DYNC1I1: variants seen among roughly 807,000 people sequenced by gnomAD.
DYNC1I1 encodes cytoplasmic dynein 1 intermediate chain 1.
A neutral mutation model predicts 86.6 loss-of-function variants in DYNC1I1; 43 were observed. That is an observed-to-expected ratio of 0.50 (90% CI 0.39 to 0.64). DYNC1I1 has a LOEUF of 0.64. Ranked by LOEUF, DYNC1I1 falls within the 30% of genes least tolerant of loss-of-function variation. The pLI is 0.00. For missense variants in DYNC1I1, 604 were observed against 788.8 expected, an observed-to-expected ratio of 0.77 and a Z score of 2.81; for synonymous variants, 262 against 283.7, an observed-to-expected ratio of 0.92 and a Z score of 0.77.
rs1186707310 is a variant in DYNC1I1, at chr7:95,838,646, A to C, written c.374+10530A>C. The stretch of plus-strand genomic sequence containing the variant: ...TCTAGGCAGTATGGACATTTTAATA[A>C]TATTGTTTTGTGTAATCCATGAACA... On this transcript the variant is annotated intron_variant, in intron 5 of 16. Coordinates refer to ENST00000447467, the MANE Select transcript of DYNC1I1 (RefSeq NM_001135556.2). Among the ~76,000 whole-genome samples the C allele has an allele frequency of 2.0e-5, 3 of 152,152 alleles. No individual in the cohort carries two copies. The East Asian group carries it at 5.8e-4, about 29-fold the overall frequency.
rs1790371140 is a variant in DYNC1I1, at chr7:96,077,269, G to GTGTGTT, written c.1650+1077_1650+1078insTTGTGT. Among the ~76,000 whole-genome samples, 3 of 151,840 alleles carry GTGTGTT rather than the reference G, an allele frequency of 2.0e-5. No individual in the cohort carries two copies. In the South Asian group the frequency reaches 6.2e-4, roughly 32 times the overall value. On this transcript the variant is annotated intron_variant, in intron 15 of 16. Transcript: ENST00000447467. The stretch of plus-strand genomic sequence containing the variant: ...TGTGTGTGTGTGTGTGTGTGTGTGT[G>GTGTGTT]TGTGTGTGGGAGGGGGCAGGGAAAT...
chr7:95,837,502 C>G (rs35040866), intron 5 of DYNC1I1: 13,008 of 151,402 alleles, frequency 0.086, 17 homozygotes, highest in South Asian at 0.12. Context: ...CCACCCAGTT[C>G]GAGCTTCCCG....
chr7:95,937,362 T>C (rs1247020647), intron 6 of DYNC1I1, among the ~76,000 whole-genome samples: 2 of 152,062 alleles, frequency 1.3e-5, no homozygotes, highest in Non-Finnish European at 2.9e-5. Flanking sequence ...AGGTGATGGG[T>C]ATGTTAATTA....
At chr7:96,025,667 G>GATGA (rs1181980952) in intron 10 of DYNC1I1, among the ~76,000 whole-genome samples, 2 of 152,162 alleles carry the variant, frequency 1.3e-5, no homozygotes, top group Non-Finnish European at 2.9e-5. Flanking sequence ...GTAAGTGTTG[G>GATGA]ATGAATGAAT....
intron 9 of DYNC1I1, 116 bp from the exon 10 acceptor site, chr7:95,995,832 A>G: frequency 7.1e-7 from 1 of 1,413,340 alleles, no homozygotes; most frequent in Non-Finnish European, 9.5e-7. Flanking sequence ...GTATGCCACA[A>G]CATAACAGAA....
intron 1 of DYNC1I1, among the ~76,000 whole-genome samples, chr7:95,802,017 TG>T: frequency 6.6e-6 from 1 of 152,192 alleles, no homozygotes; most frequent in African/African-American, 2.4e-5. Flanking sequence ...CCCTTGGCTC[TG>T]TTAAGACTTT....
chr7:95,901,974 A>G (rs1489938030), intron 6 of DYNC1I1, among the ~76,000 whole-genome samples: 1 of 152,232 alleles, frequency 6.6e-6, no homozygotes, highest in African/African-American at 2.4e-5. Flanking sequence ...CTCCAACTTT[A>G]GTGGGCCAGT....
chr7:96,080,613 T>A, intron 16 of DYNC1I1, 125 bp downstream of exon 16: 3 of 1,513,330 alleles, frequency 2.0e-6, no homozygotes, highest in Non-Finnish European at 2.7e-6. Flanking sequence ...TAAATTTCCA[T>A]TGACTTCAAT....
intron 6 of DYNC1I1, among the ~76,000 whole-genome samples, chr7:95,882,919 T>C (rs750078973): frequency 1.3e-5 from 2 of 152,238 alleles, no homozygotes; most frequent in Non-Finnish European, 2.9e-5. Context: ...AGCCTATTTG[T>C]ACGTTGGGAT....
chr7:95,944,936 A>G (rs1467127093), intron 6 of DYNC1I1, among the ~76,000 whole-genome samples: 2 of 151,614 alleles, frequency 1.3e-5, no homozygotes, highest in Non-Finnish European at 2.9e-5. Flanking sequence ...TGACGAGTTA[A>G]TGGGTGCAGC....
chr7:96,103,291 G>A (rs1195145711), downstream of DYNC1I1, among the ~76,000 whole-genome samples: 4 of 152,122 alleles, frequency 2.6e-5, no homozygotes, highest in Admixed American at 2.6e-4. Context: ...AGACAGTCAA[G>A]AGGGAAAGGC....
Position 95,845,960 on chromosome 7 carries a change from A to G in DYNC1I1, c.374+17844A>G, listed in dbSNP as rs533583738. On this transcript the variant is annotated intron_variant, in intron 5 of 16. Transcript: ENST00000447467. ...ATTCCATAGTAGCAACTGGATTTTCAAAGAACAATATTTCTTTTTCATTCA... is the reference window on the plus strand; with the variant it reads ...ATTCCATAGTAGCAACTGGATTTTCGAAGAACAATATTTCTTTTTCATTCA... Among the ~76,000 whole-genome samples the G allele has an allele frequency of 7.7e-4, 118 of 152,300 alleles. 1 individual carries two copies. The highest frequency in any genetic ancestry group is 7.6e-3 in the Admixed American group (116 of 15,294).
At chr7:95,845,794 A>C (rs1022624971) in intron 5 of DYNC1I1, among the ~76,000 whole-genome samples, 1 of 152,190 alleles carries the variant, frequency 6.6e-6, no homozygotes, top group East Asian at 1.9e-4. Context: ...AAATTTTGTC[A>C]CAAGAGAGGA....
intron 14 of DYNC1I1, among the ~76,000 whole-genome samples, chr7:96,070,092 T>A (rs1326787249): frequency 6.6e-6 from 1 of 152,178 alleles, no homozygotes; most frequent in Non-Finnish European, 1.5e-5. Flanking sequence ...CATTTAGAGA[T>A]CATAAGTATT....
chr7:96,070,281 C>G (rs1382273851), intron 14 of DYNC1I1, among the ~76,000 whole-genome samples: 1 of 152,062 alleles, frequency 6.6e-6, no homozygotes, highest in Non-Finnish European at 1.5e-5. Context: ...TTTTGGTTTA[C>G]TTGTTTGTTT....
At chr7:95,954,285 T>C (rs1792640286) in intron 6 of DYNC1I1, among the ~76,000 whole-genome samples, 1 of 151,036 alleles carries the variant, frequency 6.6e-6, no homozygotes, top group Non-Finnish European at 1.5e-5. Flanking sequence ...TGGGAGCCAC[T>C]GGCCACATGA....
In DYNC1I1 at chr7:95,968,969, A is replaced by G. The variant is rs143770397; in HGVS notation, c.491-8543A>G. Among the ~76,000 whole-genome samples the G allele has an allele frequency of 7.3e-3, 1,108 of 152,226 alleles. 11 individuals are homozygous for G. The highest frequency in any genetic ancestry group is 0.046 in the South Asian group (223 of 4,820). ...CACGCCTCAAGGAGGCTCTATTCAC[A>G]TAGGCCATAATGGCAATGCTGCTTT... On this transcript the variant is annotated intron_variant, in intron 6 of 16. Coordinates refer to ENST00000447467, the MANE Select transcript of DYNC1I1 (RefSeq NM_001135556.2).
intron 10 of DYNC1I1, among the ~76,000 whole-genome samples, chr7:96,002,845 T>TTTTG (rs201646358): frequency 1.3e-5 from 2 of 151,888 alleles, no homozygotes. Flanking sequence ...TTTGTGTTTT[T>TTTTG]TTTGTTTGTT....
intron 6 of DYNC1I1, among the ~76,000 whole-genome samples, chr7:95,956,106 A>T (rs1792702879): frequency 6.6e-6 from 1 of 152,096 alleles, no homozygotes; most frequent in African/African-American, 2.4e-5. Context: ...CTGTGATGTG[A>T]TTGACAGTCT....
Sources: allele counts gnomAD v4.1 joint callset (sites outside exome capture counted in the v4.1 genomes callset), GRCh38; gene constraint gnomAD v4.1.1; transcripts MANE v1.5; gene names NCBI Gene and HGNC (gene_info 2026-07-23, HGNC 2026-07-21).